CRB1: variants seen among roughly 807,000 people sequenced by gnomAD.
CRB1 encodes protein crumbs homolog 1.
In CRB1, 83 loss-of-function variants were observed where a neutral mutation model predicts 120.0. The observed-to-expected ratio is 0.69, with a 90% CI of 0.58 to 0.83. CRB1 has a LOEUF of 0.83. CRB1 is among the 40% of genes least tolerant of loss of function. The pLI is 0.00. For missense variants in CRB1, 1,699 were observed against 1,687.6 expected, an observed-to-expected ratio of 1.01 and a Z score of -0.12; for synonymous variants, 625 against 612.5, an observed-to-expected ratio of 1.02 and a Z score of -0.30.
rs1010407343 is a variant in CRB1, at chr1:197,387,743, AT to A, written c.1171+30736del. 2.6e-5 allele frequency among the ~76,000 whole-genome samples: 4 copies of A among 152,082 alleles called. No homozygotes were observed. The East Asian group carries it at 7.7e-4, about 29-fold the overall frequency. On this transcript the variant is annotated intron_variant, in intron 5 of 11. Transcript: ENST00000367400. ...ACATGAATACAAGAGCCTTCTAGTT[AT>A]TTTTTAAACTGTTTTTACTACAAAA... is the stretch of plus-strand genomic sequence containing the variant.
In CRB1 at chr1:197,411,514, C is replaced by T. The variant is rs552455327; in HGVS notation, c.1172-9486C>T. Among the ~76,000 whole-genome samples, 9 of 152,290 alleles carry T rather than the reference C, an allele frequency of 5.9e-5. No homozygotes were observed. The South Asian group carries it at 6.2e-4, about 11-fold the overall frequency. On this transcript the variant is annotated intron_variant, in intron 5 of 11. Coordinates refer to ENST00000367400, the MANE Select transcript of CRB1 (RefSeq NM_201253.3). ...TCACCTCAAGTGAAAAGAGTTAACTCTTTACTTCAGATTATAGAAAACTGT... is the reference window on the plus strand; with the variant it reads ...TCACCTCAAGTGAAAAGAGTTAACTTTTTACTTCAGATTATAGAAAACTGT...
intron 1 of CRB1, among the ~76,000 whole-genome samples, chr1:197,327,124 A>AAAAAAAAAAAAC (rs1658559803): frequency 1.9e-5 from 1 of 53,226 alleles, no homozygotes; most frequent in African/African-American, 3.9e-5. Flanking sequence ...AAAAAAAAAA[A>AAAAAAAAAAAAC]AAAAAAAACA....
chr1:197,409,626 A>G (rs999290592), intron 5 of CRB1, among the ~76,000 whole-genome samples: 1 of 152,200 alleles, frequency 6.6e-6, no homozygotes, highest in African/African-American at 2.4e-5. Context: ...CTCAGGAGTC[A>G]GGCAGACTGA....
At chr1:197,244,227 C>T in the CRB1 span, among the ~76,000 whole-genome samples, 1 of 152,126 alleles carries the variant, frequency 6.6e-6, no homozygotes, top group Non-Finnish European at 1.5e-5. Flanking sequence ...ATGACGTTAG[C>T]TGGCTATTTT....
the CRB1 span, among the ~76,000 whole-genome samples, chr1:197,252,613 T>TGTGTGTGTGTGTGA: frequency 9.0e-6 from 1 of 111,160 alleles, no homozygotes; most frequent in African/African-American, 3.1e-5. Flanking sequence ...TGTGTGTGTG[T>TGTGTGTGTGTGTGA]GATATATATA....
At chr1:197,389,082 G>GA (rs1170773499) in intron 5 of CRB1, among the ~76,000 whole-genome samples, 1 of 152,086 alleles carries the variant, frequency 6.6e-6, no homozygotes, top group Non-Finnish European at 1.5e-5. Context: ...AGGATGTGGA[G>GA]AAAATGGAAC....
chr1:197,400,617 A>G (rs1663018764), intron 5 of CRB1, among the ~76,000 whole-genome samples: 1 of 152,114 alleles, frequency 6.6e-6, no homozygotes, highest in Non-Finnish European at 1.5e-5. Context: ...AGAGTAAATT[A>G]TAAAATGTGC....
At chr1:197,202,925 G>A in the CRB1 span, among the ~76,000 whole-genome samples, 3 of 151,816 alleles carry the variant, frequency 2.0e-5, no homozygotes, top group Non-Finnish European at 2.9e-5. Context: ...CATAAAATTA[G>A]GTGCAAAAAT....
At chr1:197,297,194 G>A (rs1656576393) in intron 1 of CRB1, among the ~76,000 whole-genome samples, 1 of 151,724 alleles carries the variant, frequency 6.6e-6, no homozygotes, top group South Asian at 2.1e-4. Flanking sequence ...TCTCAATTCT[G>A]TCCCGTGTTT....
chr1:197,287,378 G>C (rs946711674), intron 1 of CRB1, among the ~76,000 whole-genome samples: 1 of 151,804 alleles, frequency 6.6e-6, no homozygotes, highest in Non-Finnish European at 1.5e-5. Context: ...TCTTCAGAAT[G>C]TTTCAATTAC....
chr1:197,400,304 CTTTTTTTT>C (rs200472313), intron 5 of CRB1, among the ~76,000 whole-genome samples: 1 of 127,080 alleles, frequency 7.9e-6, no homozygotes, highest in Non-Finnish European at 1.7e-5. Flanking sequence ...AATGTAAGAG[CTTTTTTTT>C]TTTTTTTTTT....
At chr1:197,453,455 A>G (rs1666074114) in intron 11 of CRB1, among the ~76,000 whole-genome samples, 2 of 147,024 alleles carry the variant, frequency 1.4e-5, no homozygotes, top group South Asian at 4.2e-4. Context: ...TTATAAATAT[A>G]TTGGTATATA....
At chr1:197,273,013 C>T (rs1337847143) in intron 1 of CRB1, among the ~76,000 whole-genome samples, 1 of 152,144 alleles carries the variant, frequency 6.6e-6, no homozygotes, top group African/African-American at 2.4e-5. Flanking sequence ...TGGGGAAAAA[C>T]TGTTCACCTA....
At chr1:197,325,536 T>A (rs1658444836) in intron 1 of CRB1, among the ~76,000 whole-genome samples, 1 of 152,178 alleles carries the variant, frequency 6.6e-6, no homozygotes, top group South Asian at 2.1e-4. Context: ...TAGATAACTA[T>A]AGAATTAAAA....
chr1:197,385,642 T>C (rs1662176665), intron 5 of CRB1, among the ~76,000 whole-genome samples: 1 of 152,108 alleles, frequency 6.6e-6, no homozygotes, highest in Non-Finnish European at 1.5e-5. Flanking sequence ...AGGGTTATTA[T>C]GATTACTATT....
intron 11 of CRB1, among the ~76,000 whole-genome samples, chr1:197,475,491 G>C (rs1571640066): frequency 6.6e-6 from 1 of 152,008 alleles, no homozygotes; most frequent in African/African-American, 2.4e-5. Flanking sequence ...GCTAAATTTA[G>C]ACCTAGGTAA....
chr1:197,317,725 G>T (rs1443248507), intron 1 of CRB1, among the ~76,000 whole-genome samples: 1 of 152,162 alleles, frequency 6.6e-6, no homozygotes, highest in Non-Finnish European at 1.5e-5. Flanking sequence ...TGACAATGGT[G>T]CCAAGTATAG....
At chr1:197,401,654 A>G (rs1466530300) in intron 5 of CRB1, among the ~76,000 whole-genome samples, 1 of 152,170 alleles carries the variant, frequency 6.6e-6, no homozygotes, top group Non-Finnish European at 1.5e-5. Flanking sequence ...GTTCTTTAAT[A>G]ATCTGCCCAC....
At chr1:197,255,758 A>G in the CRB1 span, among the ~76,000 whole-genome samples, 1 of 151,738 alleles carries the variant, frequency 6.6e-6, no homozygotes, top group Non-Finnish European at 1.5e-5. Flanking sequence ...TAATAAAGCA[A>G]ATTTAATGAG....
Sources: gnomAD v4.1 joint callset for allele counts (sites outside exome capture counted in the v4.1 genomes callset) on GRCh38, gnomAD v4.1.1 for gene constraint, MANE v1.5 for transcripts, NCBI Gene and HGNC (gene_info 2026-07-23, HGNC 2026-07-21) for gene names.